KHDRBS2: variants seen among roughly 807,000 people sequenced by gnomAD.
The protein encoded by KHDRBS2 is KH RNA binding domain containing, signal transduction associated 2.
A neutral mutation model predicts 44.3 loss-of-function variants in KHDRBS2; 26 were observed. The observed-to-expected ratio is 0.59, with a 90% CI of 0.43 to 0.81. The LOEUF (loss-of-function observed/expected upper bound fraction) is 0.81, where lower values mean the gene tolerates loss of function less well. Ranked by LOEUF, KHDRBS2 falls within the 40% of genes least tolerant of loss-of-function variation. The pLI is 0.00. For synonymous variants in KHDRBS2, 194 were observed against 151.1 expected, an observed-to-expected ratio of 1.28 and a Z score of -2.08; for missense variants, 476 against 433.1, an observed-to-expected ratio of 1.10 and a Z score of -0.88.
intron 3 of KHDRBS2, among the ~76,000 whole-genome samples, chr6:62,021,848 T>A (rs1343208970): frequency 6.6e-6 from 1 of 151,392 alleles, no homozygotes; most frequent in African/African-American, 2.4e-5. Flanking sequence ...TAATTAATTG[T>A]AAGAAAATTT....
At chr6:61,942,366 T>C (rs1162326700) in intron 4 of KHDRBS2, among the ~76,000 whole-genome samples, 1 of 151,896 alleles carries the variant, frequency 6.6e-6, no homozygotes, top group African/African-American at 2.4e-5. Context: ...ATGAGAAATT[T>C]ACCAAAAAGA....
Position 61,978,193 on chromosome 6 carries a change from C to T in KHDRBS2, c.356G>A (p.Ser119Asn), listed in dbSNP as rs1164604634. The change falls in exon 4 of 9, where the codon AGT becomes AAT. Residue 119 changes from serine (S) to asparagine (N), a missense_variant. Coordinates refer to ENST00000281156, the MANE Select transcript of KHDRBS2 (RefSeq NM_152688.4). ...CAAGTGGGCATATTTGGCTTCCCCA[C>T]TCTTCCTTAGTTCTTCTTCCTGTGA... The part of the protein sequence containing the change: ...DKAKEEELRK[S>N]GEAKYAHLSD... 1 of 1,606,186 alleles carries T rather than the reference C, an allele frequency of 6.2e-7. No homozygotes were observed. Among genetic ancestry groups the T allele is most frequent in the Non-Finnish European group, 8.5e-7 (1 of 1,177,284 alleles).
At chr6:62,179,719 C>T (rs1343236714) in intron 1 of KHDRBS2, among the ~76,000 whole-genome samples, 1 of 151,746 alleles carries the variant, frequency 6.6e-6, no homozygotes, top group Admixed American at 6.6e-5. Context: ...CACAAAACTA[C>T]TACCTTAGGC....
chr6:61,945,150 T>TATATATATATATACAC (rs371595813), intron 4 of KHDRBS2, among the ~76,000 whole-genome samples: 3 of 86,994 alleles, frequency 3.4e-5, no homozygotes, highest in African/African-American at 8.6e-5. Context: ...TATATATATA[T>TATATATATATATACAC]ACACACAGAC....
chr6:61,600,852 G>C, the KHDRBS2 span, among the ~76,000 whole-genome samples: 1 of 151,890 alleles, frequency 6.6e-6, no homozygotes, highest in Non-Finnish European at 1.5e-5. Flanking sequence ...TTTCAATCTT[G>C]GCAACATCTT....
intron 6 of KHDRBS2, among the ~76,000 whole-genome samples, chr6:61,743,786 C>G (rs1221721228): frequency 1.4e-4 from 20 of 147,824 alleles, no homozygotes; most frequent in Non-Finnish European, 3.0e-4. Context: ...CCCCTCCCCC[C>G]ACCCCACAAC....
intron 2 of KHDRBS2, among the ~76,000 whole-genome samples, chr6:62,165,029 T>G (rs1464047298): frequency 6.6e-6 from 1 of 151,910 alleles, no homozygotes; most frequent in African/African-American, 2.4e-5. Flanking sequence ...TTTTCTGTCA[T>G]GTGTTTCAAA....
intron 2 of KHDRBS2, among the ~76,000 whole-genome samples, chr6:62,144,976 T>C (rs1813618289): frequency 6.6e-6 from 1 of 151,968 alleles, no homozygotes; most frequent in Non-Finnish European, 1.5e-5. Flanking sequence ...TGAATTTATA[T>C]CTTTAAAAGA....
At chr6:61,759,031 T>A (rs938672888) in intron 6 of KHDRBS2, among the ~76,000 whole-genome samples, 26 of 152,272 alleles carry the variant, frequency 1.7e-4, no homozygotes, top group Middle Eastern at 3.4e-3. Context: ...GGCATAGTGT[T>A]CTCTTAGCAG....
the KHDRBS2 span, among the ~76,000 whole-genome samples, chr6:61,569,317 C>G: frequency 1.3e-5 from 2 of 152,126 alleles, no homozygotes; most frequent in African/African-American, 4.8e-5. Flanking sequence ...CCCTTGTAGC[C>G]AAACACAAAA....
At chr6:61,564,148 A>G in the KHDRBS2 span, among the ~76,000 whole-genome samples, 98 of 152,240 alleles carry the variant, frequency 6.4e-4, no homozygotes, top group South Asian at 0.019. Context: ...AAATCTTAAA[A>G]AGCACTAATC....
At chr6:61,549,771 CA>C in the KHDRBS2 span, among the ~76,000 whole-genome samples, 1 of 152,088 alleles carries the variant, frequency 6.6e-6, no homozygotes, top group African/African-American at 2.4e-5. Context: ...TGATTCTACA[CA>C]AAAATTGGGA....
At chr6:62,248,625 T>C (rs529939171) in intron 1 of KHDRBS2, among the ~76,000 whole-genome samples, 1 of 152,224 alleles carries the variant, frequency 6.6e-6, no homozygotes, top group African/African-American at 2.4e-5. Flanking sequence ...CCCAAAGTGC[T>C]GGGATTACAG....
chr6:62,116,777 T>C (rs1408037489), intron 2 of KHDRBS2, among the ~76,000 whole-genome samples: 1 of 152,002 alleles, frequency 6.6e-6, no homozygotes, highest in Non-Finnish European at 1.5e-5. Flanking sequence ...CTCCCACCCC[T>C]CTCAGCCTCT....
intron 2 of KHDRBS2, among the ~76,000 whole-genome samples, chr6:62,106,554 T>G (rs1348790159): frequency 6.6e-6 from 1 of 152,136 alleles, no homozygotes; most frequent in Admixed American, 6.5e-5. Flanking sequence ...TACCTTTCCT[T>G]CTGAAACTAT....
At chr6:62,259,425 C>CT (rs949896893) in intron 1 of KHDRBS2, among the ~76,000 whole-genome samples, 3 of 150,948 alleles carry the variant, frequency 2.0e-5, no homozygotes, top group African/African-American at 4.9e-5. Context: ...AGTTTTATAA[C>CT]TTTTTTTTTA....
intron 4 of KHDRBS2, among the ~76,000 whole-genome samples, chr6:61,950,391 T>G (rs1764504251): frequency 2.0e-5 from 3 of 152,044 alleles, no homozygotes; most frequent in African/African-American, 7.2e-5. Context: ...GATAGTAGAA[T>G]GTTGAAATGC....
At chr6:62,094,827 CT>C (rs1268243617) in intron 2 of KHDRBS2, among the ~76,000 whole-genome samples, 1 of 151,926 alleles carries the variant, frequency 6.6e-6, no homozygotes, top group Non-Finnish European at 1.5e-5. Flanking sequence ...CTCCTTTCTC[CT>C]TTACACATAC....
chr6:62,141,519 C>A (rs1161652739), intron 2 of KHDRBS2, among the ~76,000 whole-genome samples: 2 of 152,034 alleles, frequency 1.3e-5, no homozygotes, highest in Admixed American at 1.3e-4. Context: ...GTTAGTGAAG[C>A]AGATGATTTC....
Sources: allele counts gnomAD v4.1 joint callset (sites outside exome capture counted in the v4.1 genomes callset), GRCh38; gene constraint gnomAD v4.1.1; transcripts MANE v1.5; gene names NCBI Gene and HGNC (gene_info 2026-07-23, HGNC 2026-07-21).